Variants in RIMS2 observed in about 807,000 individuals in gnomAD.
The protein encoded by RIMS2 is regulating synaptic membrane exocytosis 2, also known as regulating synaptic membrane exocytosis protein 2.
In RIMS2, 59 loss-of-function variants were observed where a neutral mutation model predicts 174.4. That is an observed-to-expected ratio of 0.34 (90% CI 0.27 to 0.42). The LOEUF (loss-of-function observed/expected upper bound fraction) is 0.42, where lower values mean the gene tolerates loss of function less well. Among genes scored for constraint, RIMS2 ranks in the 10% least tolerant of loss-of-function variants. The probability of loss-of-function intolerance (pLI) is 1.00; values close to 1 mark genes in which losing one functional copy is unlikely to be tolerated. For missense variants in RIMS2, 1,620 were observed against 1,666.3 expected, an observed-to-expected ratio of 0.97 and a Z score of 0.48; for synonymous variants, 606 against 572.5, an observed-to-expected ratio of 1.06 and a Z score of -0.84.
chr8:103,697,126 A>C, exon 2 of RIMS2: 1 of 1,613,684 alleles, frequency 6.2e-7, no homozygotes, highest in East Asian at 2.2e-5. Context: ...AGAGCAGGTA[A>C]AGAAGATGGG....
At chr8:103,897,503 T>G (rs758202204) in intron 4 of RIMS2, among the ~76,000 whole-genome samples, 1 of 151,716 alleles carries the variant, frequency 6.6e-6, no homozygotes, top group Non-Finnish European at 1.5e-5. Context: ...CATATGCATT[T>G]TACTCATGCC....
At chr8:103,622,415 T>C (rs945071726) in intron 1 of RIMS2, among the ~76,000 whole-genome samples, 1 of 152,104 alleles carries the variant, frequency 6.6e-6, no homozygotes, top group Admixed American at 6.5e-5. Flanking sequence ...ACAAAACACA[T>C]AAAAATGTTA....
rs749875320 is a variant in RIMS2 at position 104,223,671 on chromosome 8, G to A, written c.3335-21245G>A. The A allele has an allele frequency of 3.8e-5, 61 of 1,590,980 alleles. 1 individual carries two copies. In the South Asian group the frequency reaches 6.4e-4, roughly 17 times the overall value. On this transcript the variant is annotated intron_variant, in intron 19 of 23. Transcript: ENST00000504942. ...TCCAAGATGGGCCGGCAGGGCTTGG[G>A]GGGTGCCAGCGCTGCGGGGCGCTCC...
intron 3 of RIMS2, among the ~76,000 whole-genome samples, chr8:103,836,227 T>C (rs1564838347): frequency 6.6e-6 from 1 of 152,210 alleles, no homozygotes; most frequent in Non-Finnish European, 1.5e-5. Context: ...AAGAATTTTA[T>C]GATAATTATT....
chr8:103,753,851 C>G (rs2097932178), intron 2 of RIMS2, among the ~76,000 whole-genome samples: 1 of 152,094 alleles, frequency 6.6e-6, no homozygotes, highest in Non-Finnish European at 1.5e-5. Flanking sequence ...AGTGGTCTAT[C>G]AATTTTGTCA....
intron 1 of RIMS2, among the ~76,000 whole-genome samples, chr8:103,561,486 C>G (rs936455959): frequency 1.3e-5 from 2 of 152,074 alleles, no homozygotes; most frequent in Non-Finnish European, 2.9e-5. Flanking sequence ...TCTGTTATGA[C>G]AGTGGTAGAA....
At chr8:103,507,448 G>A (rs1409437976) in intron 1 of RIMS2, among the ~76,000 whole-genome samples, 1 of 151,996 alleles carries the variant, frequency 6.6e-6, no homozygotes, top group Non-Finnish European at 1.5e-5. Flanking sequence ...ACACATAGTA[G>A]TACTCAAAAA....
At chr8:103,992,753 GTAGA>G (rs2154550867) in intron 17 of RIMS2, among the ~76,000 whole-genome samples, 1 of 152,246 alleles carries the variant, frequency 6.6e-6, no homozygotes, top group East Asian at 1.9e-4. Flanking sequence ...GCTTTGCAAA[GTAGA>G]TAGATTCTTC....
chr8:103,518,534 A>G (rs1401575250), intron 1 of RIMS2, among the ~76,000 whole-genome samples: 4 of 151,828 alleles, frequency 2.6e-5, no homozygotes, highest in Non-Finnish European at 5.9e-5. Flanking sequence ...TCTATACTTT[A>G]TTTGGAAAAA....
chr8:104,110,810 T>G (rs2098167681), intron 19 of RIMS2, among the ~76,000 whole-genome samples: 1 of 152,162 alleles, frequency 6.6e-6, no homozygotes, highest in Non-Finnish European at 1.5e-5. Flanking sequence ...CTCATCAACA[T>G]TCACAGCATA....
chr8:103,730,288 T>C (rs768009331), intron 2 of RIMS2, among the ~76,000 whole-genome samples: 1 of 151,968 alleles, frequency 6.6e-6, no homozygotes, highest in Non-Finnish European at 1.5e-5. Context: ...AATTGTTATA[T>C]ATATAGAGGA....
chr8:104,011,150 T>C (rs1565833499), intron 17 of RIMS2, among the ~76,000 whole-genome samples: 1 of 152,116 alleles, frequency 6.6e-6, no homozygotes, highest in East Asian at 1.9e-4. Context: ...AGCAGTAACA[T>C]TGTGTCTAAG....
intron 1 of RIMS2, among the ~76,000 whole-genome samples, chr8:103,556,300 T>C (rs1850421358): frequency 2.6e-5 from 4 of 152,212 alleles, no homozygotes; most frequent in African/African-American, 9.6e-5. Context: ...CATGAATATA[T>C]ACAATTTATA....
chr8:104,068,309 T>C (rs557242171), intron 19 of RIMS2, among the ~76,000 whole-genome samples: 1 of 152,312 alleles, frequency 6.6e-6, no homozygotes, highest in Non-Finnish European at 1.5e-5. Flanking sequence ...TTGAAATTAT[T>C]TTACATATTT....
intron 3 of RIMS2, among the ~76,000 whole-genome samples, chr8:103,795,687 A>G (rs2098544941): frequency 6.6e-6 from 1 of 152,142 alleles, no homozygotes; most frequent in Non-Finnish European, 1.5e-5. Context: ...AAAGATACAC[A>G]ATTCTCTGAT....
intron 19 of RIMS2, among the ~76,000 whole-genome samples, chr8:104,041,609 ATAAC>A (rs1269609778): frequency 6.6e-6 from 1 of 151,702 alleles, no homozygotes; most frequent in Non-Finnish European, 1.5e-5. Context: ...CATAAACTGA[ATAAC>A]TAAAGGCAAA....
chr8:103,778,723 A>T (rs1251469570), intron 3 of RIMS2, among the ~76,000 whole-genome samples: 1 of 152,180 alleles, frequency 6.6e-6, no homozygotes, highest in East Asian at 1.9e-4. Flanking sequence ...GGGAGTGCAG[A>T]TATCTCTTTA....
At chr8:103,666,745 A>G (rs1304031206) in intron 1 of RIMS2, among the ~76,000 whole-genome samples, 1 of 152,124 alleles carries the variant, frequency 6.6e-6, no homozygotes, top group Admixed American at 6.5e-5. Context: ...AGTCCAAAAC[A>G]ATGACCTCCC....
At chr8:103,735,045 C>G (rs2097667667) in intron 2 of RIMS2, among the ~76,000 whole-genome samples, 1 of 152,196 alleles carries the variant, frequency 6.6e-6, no homozygotes, top group Non-Finnish European at 1.5e-5. Flanking sequence ...GATACTAACA[C>G]TGCTACACCA....
Sources: gnomAD v4.1 joint callset for allele counts (sites outside exome capture counted in the v4.1 genomes callset) on GRCh38, gnomAD v4.1.1 for gene constraint, MANE v1.5 for transcripts, NCBI Gene and HGNC (gene_info 2026-07-23, HGNC 2026-07-21) for gene names.